RC3H1: variants seen among roughly 807,000 people sequenced by gnomAD.
RC3H1 encodes the protein roquin-1.
A neutral mutation model predicts 138.2 loss-of-function variants in RC3H1; 50 were observed. That is an observed-to-expected ratio of 0.36 (90% CI 0.29 to 0.46). The LOEUF (loss-of-function observed/expected upper bound fraction) is 0.46, where lower values mean the gene tolerates loss of function less well. RC3H1 is among the 20% of genes least tolerant of loss of function. The probability of loss-of-function intolerance (pLI) is 1.00; values close to 1 mark genes in which losing one functional copy is unlikely to be tolerated. For missense variants in RC3H1, 1,031 were observed against 1,388.1 expected (o/e 0.74, Z 4.09); for synonymous variants, 462 against 489.1 (o/e 0.94, Z 0.73).
At position 173,938,689 on chromosome 1, in the gene RC3H1, G is replaced by C; in HGVS notation, c.*32C>G. On this transcript the variant is annotated 3_prime_UTR_variant, in exon 20 of 20. Coordinates refer to ENST00000367696, the MANE Select transcript of RC3H1 (RefSeq NM_172071.4). ...CCCCTATGCCCGACAAACTGATTAGGAGCAGAAGATAAAAGTAGGACTCCT... is the reference window on the plus strand; with the variant it reads ...CCCCTATGCCCGACAAACTGATTAGCAGCAGAAGATAAAAGTAGGACTCCT... 6.5e-7 allele frequency: 1 copy of C among 1,546,884 alleles called. No homozygotes were observed. Among genetic ancestry groups the C allele is most frequent in the East Asian group, 2.3e-5 (1 of 43,660 alleles).
At chr1:173,952,914 G>A (rs145321230) in intron 13 of RC3H1, among the ~76,000 whole-genome samples, 1 of 152,250 alleles carries the variant, frequency 6.6e-6, no homozygotes, top group Non-Finnish European at 1.5e-5. Context: ...TACCAGTATA[G>A]GGCAGTGCTA....
At chr1:173,965,820 G>C (rs768018748) in intron 9 of RC3H1, among the ~76,000 whole-genome samples, 4 of 152,106 alleles carry the variant, frequency 2.6e-5, no homozygotes, top group Non-Finnish European at 4.4e-5. Context: ...AGTATGCACT[G>C]TGAAACATTT....
chr1:174,020,744 C>T (rs1557955539), intron 1 of RC3H1, among the ~76,000 whole-genome samples: 2 of 152,178 alleles, frequency 1.3e-5, no homozygotes, highest in Non-Finnish European at 2.9e-5. Context: ...CGAGGTGGCT[C>T]ACGCCTGTAA....
At chr1:174,004,102 A>G (rs1445283153) in intron 1 of RC3H1, among the ~76,000 whole-genome samples, 1 of 148,002 alleles carries the variant, frequency 6.8e-6, no homozygotes, top group Non-Finnish European at 1.5e-5. Flanking sequence ...TATATTATTT[A>G]TTTTTATTTT....
intron 2 of RC3H1, among the ~76,000 whole-genome samples, chr1:173,991,533 C>T (rs935024690): frequency 6.6e-6 from 1 of 152,174 alleles, no homozygotes; most frequent in African/African-American, 2.4e-5. Flanking sequence ...GAGTGGAGAT[C>T]CTTGACTTGT....
intron 14 of RC3H1, among the ~76,000 whole-genome samples, chr1:173,949,026 C>T (rs1035354973): frequency 1.3e-5 from 2 of 149,516 alleles, no homozygotes; most frequent in Non-Finnish European, 3.0e-5. Context: ...CATTTCGTTC[C>T]AATAAGAGCC....
chr1:173,941,435 G>C, intron 18 of RC3H1, 55 bp from the exon 19 acceptor site: 2 of 1,040,426 alleles, frequency 1.9e-6, no homozygotes, highest in Middle Eastern at 2.1e-4. Flanking sequence ...GTGTTAATGG[G>C]AGAGACCAAA....
chr1:174,003,581 G>A (rs1249659356), intron 1 of RC3H1, among the ~76,000 whole-genome samples: 5 of 152,020 alleles, frequency 3.3e-5, no homozygotes. Context: ...TTTCTTAACT[G>A]GTATCCCTGG....
intron 6 of RC3H1, among the ~76,000 whole-genome samples, chr1:173,979,720 G>T (rs1043608144): frequency 6.6e-6 from 1 of 152,162 alleles, no homozygotes; most frequent in East Asian, 1.9e-4. Flanking sequence ...TCCTCTAATA[G>T]ATCATTACTA....
Position 173,964,933 on chromosome 1 carries a change from T to A in RC3H1, c.1522A>T (p.Ile508Phe). Residue 508 changes from isoleucine (I) to phenylalanine (F), a missense_variant, in exon 10 of 20, where the codon ATT becomes TTT. This residue lies in a region of RC3H1 where 716 missense variants were observed against 837.9 expected (regional missense o/e 0.85). Coordinates refer to ENST00000367696, the MANE Select transcript of RC3H1 (RefSeq NM_172071.4). ...VSTGNTVTQL[I>F]PRGTDPSYDS... ...TAGCTGGGGTCTGTCCCTCGCGGAA[T>A]AAGCTGTGTTACTGTATTCCCTGTT... is the stretch of plus-strand genomic sequence containing the variant. 1 of 1,614,174 alleles carries A rather than the reference T, an allele frequency of 6.2e-7. No individual in the cohort carries two copies. Among genetic ancestry groups the A allele is most frequent in the Non-Finnish European group, 8.5e-7 (1 of 1,180,030 alleles).
chr1:174,008,951 T>C (rs937291494), intron 1 of RC3H1, among the ~76,000 whole-genome samples: 9 of 129,448 alleles, frequency 7.0e-5, no homozygotes, highest in African/African-American at 1.8e-4. Context: ...CACTCCAGCC[T>C]AGGCAACAGA....
rs532745864 is a variant in RC3H1 at position 173,973,229 on chromosome 1, T to C, written c.1103-602A>G. 5.3e-5 allele frequency among the ~76,000 whole-genome samples: 8 copies of C among 152,276 alleles called. No homozygotes were observed. The East Asian group carries it at 1.5e-3, about 29-fold the overall frequency. On this transcript the variant is annotated intron_variant, in intron 7 of 19. Transcript: ENST00000367696. ...AACTTTTATATAAATAAAGTTTTGG[T>C]AAACAAAAAGCTTAAAAAGTTTAAT...
intron 1 of RC3H1, among the ~76,000 whole-genome samples, chr1:173,995,147 C>T (rs978117676): frequency 3.9e-5 from 6 of 151,932 alleles, no homozygotes; most frequent in Admixed American, 6.6e-5. Flanking sequence ...GACTGCTGAA[C>T]GAAAGTTAAG....
chr1:173,941,588 G>GA, intron 18 of RC3H1: 1 of 443,770 alleles, frequency 2.3e-6, no homozygotes. Flanking sequence ...TGGACAATAA[G>GA]ACAGACAATG....
chr1:173,952,376 T>TG (rs1659446543), intron 13 of RC3H1, among the ~76,000 whole-genome samples: 1 of 85,094 alleles, frequency 1.2e-5, no homozygotes, highest in Non-Finnish European at 1.9e-5. Context: ...TTTTTTTTTG[T>TG]TTTTTTTTTT....
intron 19 of RC3H1, among the ~76,000 whole-genome samples, chr1:173,939,922 A>G (rs901017020): frequency 2.0e-5 from 3 of 152,294 alleles, no homozygotes; most frequent in Non-Finnish European, 2.9e-5. Context: ...AATTTTTGTT[A>G]TATATCATCA....
At position 173,983,197 on chromosome 1, in the gene RC3H1, AG is replaced by A. The variant is rs1461653598; in HGVS notation, c.592+220del. On this transcript the variant is annotated intron_variant, in intron 4 of 19. Transcript: ENST00000367696. ...AAGGAAAAATCAAAAAATTAAAAAA[AG>A]AAACAACTTTTGGCATTAAGAGAAA... 6.6e-5 allele frequency among the ~76,000 whole-genome samples: 10 copies of A among 152,244 alleles called. No homozygotes were observed. In the East Asian group the frequency reaches 1.7e-3, roughly 26 times the overall value.
rs183559660 is a variant in RC3H1, at chr1:174,013,880, A to G, written c.-151+8216T>C. On this transcript the variant is annotated intron_variant, in intron 1 of 19. Coordinates refer to ENST00000367696, the MANE Select transcript of RC3H1 (RefSeq NM_172071.4). ...CACTGCCTGAGCCCAGGAGTTCAAGACCAATCTCTATTTTAAACAAAAACA... is the reference window on the plus strand; with the variant it reads ...CACTGCCTGAGCCCAGGAGTTCAAGGCCAATCTCTATTTTAAACAAAAACA... Among the ~76,000 whole-genome samples the G allele has an allele frequency of 2.0e-5, 3 of 152,272 alleles. No individual in the cohort carries two copies. In the East Asian group the frequency reaches 5.8e-4, roughly 30 times the overall value.
chr1:174,012,247 AAC>A (rs1661783899), intron 1 of RC3H1, among the ~76,000 whole-genome samples: 1 of 151,960 alleles, frequency 6.6e-6, no homozygotes, highest in African/African-American at 2.4e-5. Context: ...AAAAATAGGT[AAC>A]ATATGAAGGG....
Sources: gnomAD v4.1 joint callset for allele counts (sites outside exome capture counted in the v4.1 genomes callset) on GRCh38, gnomAD v4.1.1 for gene constraint, gnomAD v4.1.1 regional missense constraint, MANE v1.5 for transcripts, NCBI Gene and HGNC (gene_info 2026-07-23, HGNC 2026-07-21) for gene names.